Variants in MAF observed in about 807,000 individuals in gnomAD.
The protein encoded by MAF is MAF bZIP transcription factor.
MAF carries 10 observed loss-of-function variants against 22.0 expected under a neutral mutation model. The ratio of observed to expected loss-of-function variants is 0.45; its 90% CI spans 0.28 to 0.77. MAF has a LOEUF of 0.77. MAF is among the 30% of genes least tolerant of loss of function. The pLI is 0.12. For missense variants in MAF, 544 were observed against 548.4 expected (o/e 0.99, Z 0.08); for synonymous variants, 337 against 255.8 (o/e 1.32, Z -3.03).
the MAF span, among the ~76,000 whole-genome samples, chr16:79,485,579 C>T: frequency 6.6e-6 from 1 of 152,094 alleles, no homozygotes; most frequent in African/African-American, 2.4e-5. Context: ...GTAGTAAGTC[C>T]ATGAGCACAA....
the MAF span, among the ~76,000 whole-genome samples, chr16:79,547,634 T>C: frequency 3.9e-5 from 6 of 152,188 alleles, no homozygotes; most frequent in Admixed American, 1.3e-4. Flanking sequence ...CCCTCTGGAA[T>C]TGATGTAACC....
chr16:79,352,931 G>A, the MAF span, among the ~76,000 whole-genome samples: 1 of 152,120 alleles, frequency 6.6e-6, no homozygotes, highest in African/African-American at 2.4e-5. Context: ...TATGGTGCCT[G>A]GAACATGGAG....
the MAF span, among the ~76,000 whole-genome samples, chr16:79,464,286 C>T: frequency 1.3e-5 from 2 of 152,070 alleles, no homozygotes; most frequent in East Asian, 1.9e-4. Flanking sequence ...ATGAAGTGTG[C>T]GTAGATCTGA....
At chr16:79,402,142 T>A in the MAF span, among the ~76,000 whole-genome samples, 151 of 152,306 alleles carry the variant, frequency 9.9e-4, no homozygotes, top group African/African-American at 3.5e-3. Flanking sequence ...AATTGCTGAA[T>A]TTTTCTGAGC....
At chr16:79,466,120 G>A in the MAF span, among the ~76,000 whole-genome samples, 1 of 152,160 alleles carries the variant, frequency 6.6e-6, no homozygotes, top group Non-Finnish European at 1.5e-5. Context: ...CTCCAGACAA[G>A]TCCAGCCTTA....
At chr16:79,267,269 A>G in the MAF span, among the ~76,000 whole-genome samples, 2 of 152,178 alleles carry the variant, frequency 1.3e-5, no homozygotes, top group Non-Finnish European at 2.9e-5. Context: ...CATTATGAAA[A>G]TCACTCTATG....
At chr16:79,409,312 C>T in the MAF span, among the ~76,000 whole-genome samples, 10 of 152,188 alleles carry the variant, frequency 6.6e-5, no homozygotes, top group Admixed American at 2.0e-4. Context: ...AAGGAAGTCG[C>T]GCTGTTTTCT....
chr16:79,391,585 G>A, the MAF span, among the ~76,000 whole-genome samples: 69 of 152,194 alleles, frequency 4.5e-4, no homozygotes, highest in Non-Finnish European at 8.5e-4. Context: ...ACCACGAAGA[G>A]AAGTAGAGCA....
the MAF span, among the ~76,000 whole-genome samples, chr16:79,252,999 C>T: frequency 9.9e-5 from 15 of 152,268 alleles, no homozygotes; most frequent in East Asian, 1.2e-3. Flanking sequence ...AAGAAATTCA[C>T]GCTTAAATAA....
chr16:79,359,852 G>A, the MAF span, among the ~76,000 whole-genome samples: 8 of 152,248 alleles, frequency 5.3e-5, no homozygotes, highest in Non-Finnish European at 1.2e-4. Context: ...TTACTCAACT[G>A]TTTCACATGT....
chr16:79,397,692 T>C, the MAF span, among the ~76,000 whole-genome samples: 1 of 152,176 alleles, frequency 6.6e-6, no homozygotes, highest in Non-Finnish European at 1.5e-5. Flanking sequence ...GTGTTATCAA[T>C]GCTTTGCAGG....
At chr16:79,358,175 C>G in the MAF span, among the ~76,000 whole-genome samples, 2 of 152,178 alleles carry the variant, frequency 1.3e-5, no homozygotes, top group Non-Finnish European at 2.9e-5. Context: ...AAACTGTTTG[C>G]TTTTCAAATA....
the MAF span, among the ~76,000 whole-genome samples, chr16:79,208,667 T>C: frequency 6.6e-6 from 1 of 150,614 alleles, no homozygotes; most frequent in African/African-American, 2.4e-5. Flanking sequence ...GCTTTCTCTT[T>C]TATTGGCAGT....
At chr16:79,451,894 G>A in the MAF span, among the ~76,000 whole-genome samples, 1 of 152,028 alleles carries the variant, frequency 6.6e-6, no homozygotes, top group Non-Finnish European at 1.5e-5. Context: ...AAACTAGGTA[G>A]AGCAAATTTA....
the MAF span, among the ~76,000 whole-genome samples, chr16:79,283,085 T>C: frequency 1.3e-5 from 2 of 152,248 alleles, no homozygotes; most frequent in African/African-American, 2.4e-5. Context: ...GGAATGTTTC[T>C]GATTCATCTT....
chr16:79,413,143 T>C, the MAF span, among the ~76,000 whole-genome samples: 1 of 151,098 alleles, frequency 6.6e-6, no homozygotes, highest in Non-Finnish European at 1.5e-5. Context: ...AAAACAGTTG[T>C]TACAAGCTTC....
At chr16:79,384,182 G>A in the MAF span, among the ~76,000 whole-genome samples, 1 of 152,120 alleles carries the variant, frequency 6.6e-6, no homozygotes, top group Admixed American at 6.6e-5. Context: ...GGTGACTCAC[G>A]CTTGTAATCT....
At chr16:79,228,905 T>G in the MAF span, among the ~76,000 whole-genome samples, 2 of 151,896 alleles carry the variant, frequency 1.3e-5, no homozygotes, top group South Asian at 4.2e-4. Context: ...AGTTCCTCCC[T>G]CCAGCAACAT....
chr16:79,434,497 G>A, the MAF span, among the ~76,000 whole-genome samples: 1 of 152,160 alleles, frequency 6.6e-6, no homozygotes, highest in South Asian at 2.1e-4. Context: ...GCCAGCTCCA[G>A]CCTATTATGA....
Sources: allele counts gnomAD v4.1 joint callset (sites outside exome capture counted in the v4.1 genomes callset), GRCh38; gene constraint gnomAD v4.1.1; transcripts MANE v1.5; gene names NCBI Gene and HGNC (gene_info 2026-07-23, HGNC 2026-07-21).